The following TNNI3K variants were observed in gnomAD, a reference collection of about 807,000 sequenced individuals.
TNNI3K encodes the protein TNNI3 interacting kinase, also known as serine/threonine-protein kinase TNNI3K.
A neutral mutation model predicts 114.5 loss-of-function variants in TNNI3K; 140 were observed. The ratio of observed to expected loss-of-function variants is 1.22; its 90% CI spans 1.07 to 1.41. The LOEUF is 1.41. Ranked by LOEUF, TNNI3K falls within the 40% of genes most tolerant of loss-of-function variation. TNNI3K has a pLI of 0.00. For synonymous variants in TNNI3K, 347 were observed against 347.5 expected (o/e 1.00, Z 0.02); for missense variants, 1,125 against 1,007.6 (o/e 1.12, Z -1.58).
At chr1:74,452,335 T>C (rs1667060650) in intron 20 of TNNI3K, among the ~76,000 whole-genome samples, 1 of 152,180 alleles carries the variant, frequency 6.6e-6, no homozygotes, top group Non-Finnish European at 1.5e-5. Context: ...TAGGAAAAAG[T>C]GTAATACAAG....
chr1:74,481,024 G>T (rs1668474880), intron 21 of TNNI3K: 4 of 649,788 alleles, frequency 6.2e-6, no homozygotes, highest in Admixed American at 2.3e-5. Context: ...GGAGGGAGGG[G>T]GTATGGTGGA....
chr1:74,352,191 G>A (rs533657539), intron 9 of TNNI3K, among the ~76,000 whole-genome samples: 14 of 152,316 alleles, frequency 9.2e-5, no homozygotes, highest in Admixed American at 4.6e-4. Flanking sequence ...CTAACAGTCA[G>A]GACCCTCAGC....
At chr1:74,445,364 TC>T (rs1399745127) in intron 20 of TNNI3K, among the ~76,000 whole-genome samples, 1 of 75,578 alleles carries the variant, frequency 1.3e-5, no homozygotes, top group African/African-American at 5.3e-5. Context: ...ATGCTATCCC[TC>T]CCCCCTCCCC....
intron 17 of TNNI3K, among the ~76,000 whole-genome samples, chr1:74,428,939 T>G (rs563444995): frequency 9.9e-5 from 15 of 152,212 alleles, no homozygotes; most frequent in African/African-American, 3.1e-4. Context: ...TGAGACCCTG[T>G]CTCTGTAAAA....
chr1:74,353,416 A>T, intron 10 of TNNI3K, 56 bp downstream of exon 10: 2 of 1,593,352 alleles, frequency 1.3e-6, no homozygotes, highest in Non-Finnish European at 1.7e-6. Flanking sequence ...GATTAAGAAT[A>T]ATGGTATGCA....
chr1:74,447,022 G>A (rs1164051242), intron 20 of TNNI3K, among the ~76,000 whole-genome samples: 30 of 131,156 alleles, frequency 2.3e-4, no homozygotes, highest in Non-Finnish European at 3.1e-4. Flanking sequence ...TTGGCGATGC[G>A]GGCTCTTTTT....
At chr1:74,537,335 A>G (rs1426766055) in intron 23 of TNNI3K, among the ~76,000 whole-genome samples, 3 of 152,174 alleles carry the variant, frequency 2.0e-5, no homozygotes, top group African/African-American at 4.8e-5. Flanking sequence ...TTCTATTGCC[A>G]TATTTATTGT....
chr1:74,247,965 G>A (rs1030428742), intron 2 of TNNI3K, among the ~76,000 whole-genome samples: 4 of 152,066 alleles, frequency 2.6e-5, no homozygotes, highest in African/African-American at 9.7e-5. Context: ...GTGCCCGTCG[G>A]GGTGGCTCAG....
chr1:74,352,673 G>C (rs553317142), intron 9 of TNNI3K, among the ~76,000 whole-genome samples: 1 of 152,120 alleles, frequency 6.6e-6, no homozygotes, highest in Non-Finnish European at 1.5e-5. Flanking sequence ...AATGGCAGGC[G>C]TCCCTCCCCC....
At position 74,513,296 on chromosome 1, in the gene TNNI3K, C is replaced by A. The variant is rs192611484; in HGVS notation, c.2351+21030C>A. ...ATGTGGAAATTTACTGAGTCCCTGTCCTTTCATTATTTTAATCCAGTGCAC... is the reference window on the plus strand; with the variant it reads ...ATGTGGAAATTTACTGAGTCCCTGTACTTTCATTATTTTAATCCAGTGCAC... On this transcript the variant is annotated intron_variant, in intron 23 of 24. Coordinates refer to ENST00000326637, the MANE Select transcript of TNNI3K (RefSeq NM_015978.3). Among the ~76,000 whole-genome samples, 4 of 152,284 alleles carry A rather than the reference C, an allele frequency of 2.6e-5. No individual in the cohort carries two copies. The East Asian group carries it at 7.7e-4, about 29-fold the overall frequency.
intron 5 of TNNI3K, among the ~76,000 whole-genome samples, chr1:74,275,850 A>G (rs557314490): frequency 6.6e-6 from 1 of 152,258 alleles, no homozygotes; most frequent in South Asian, 2.1e-4. Context: ...ATAACACACA[A>G]GAGTAGATGG....
intron 17 of TNNI3K, chr1:74,416,312 A>G: frequency 1.0e-6 from 1 of 985,408 alleles, no homozygotes; most frequent in Non-Finnish European, 1.2e-6. Flanking sequence ...TGTAGGCACT[A>G]CCAAAAAGGG....
chr1:74,484,255 C>T (rs1487113026), intron 21 of TNNI3K, among the ~76,000 whole-genome samples: 4 of 148,924 alleles, frequency 2.7e-5, no homozygotes, highest in South Asian at 4.2e-4. Context: ...AAACCCTCTA[C>T]CTATATAATA....
At chr1:74,316,275 A>G (rs1659297837) in intron 5 of TNNI3K, among the ~76,000 whole-genome samples, 1 of 152,206 alleles carries the variant, frequency 6.6e-6, no homozygotes, top group South Asian at 2.1e-4. Context: ...AAAAGAGGGT[A>G]ACTTGATCTC....
At position 74,462,820 on chromosome 1, in the gene TNNI3K, A is replaced by G. The variant is rs564066321; in HGVS notation, c.2012-621A>G. 7.2e-5 allele frequency among the ~76,000 whole-genome samples: 11 copies of G among 152,352 alleles called. No individual in the cohort carries two copies. In the South Asian group the frequency reaches 2.3e-3, roughly 32 times the overall value. ...TGAGATGAGCGATATTCAGAAATCC[A>G]TGCAGGCAGGCAACACGACAGACTT... On this transcript the variant is annotated intron_variant, in intron 20 of 24. Transcript: ENST00000326637.
chr1:74,309,848 C>T (rs1461285367), intron 5 of TNNI3K, among the ~76,000 whole-genome samples: 1 of 152,166 alleles, frequency 6.6e-6, no homozygotes, highest in African/African-American at 2.4e-5. Flanking sequence ...TATTACCCAA[C>T]ATCATACTGA....
At chr1:74,268,198 A>T (rs537519967) in intron 4 of TNNI3K, among the ~76,000 whole-genome samples, 4,936 of 151,968 alleles carry the variant, frequency 0.032, 103 homozygotes, top group Non-Finnish European at 0.051. Context: ...CATATTTTCT[A>T]TTTAAAATAT....
intron 17 of TNNI3K, among the ~76,000 whole-genome samples, chr1:74,427,001 A>G (rs1665669421): frequency 6.6e-6 from 1 of 152,258 alleles, no homozygotes; most frequent in Non-Finnish European, 1.5e-5. Context: ...CTTCCTTTAT[A>G]GAATAAGGGA....
At chr1:74,489,709 G>A (rs534832107) in intron 22 of TNNI3K, among the ~76,000 whole-genome samples, 52 of 152,218 alleles carry the variant, frequency 3.4e-4, no homozygotes, top group African/African-American at 1.2e-3. Context: ...GTTGCTTAAT[G>A]TGATATATGT....
Sources: gnomAD v4.1 joint callset for allele counts (sites outside exome capture counted in the v4.1 genomes callset) on GRCh38, gnomAD v4.1.1 for gene constraint, MANE v1.5 for transcripts, NCBI Gene and HGNC (gene_info 2026-07-23, HGNC 2026-07-21) for gene names.